The following IL17RD variants were observed in gnomAD, a reference collection of about 807,000 sequenced individuals.
The protein encoded by IL17RD is interleukin 17 receptor D.
IL17RD carries 52 observed loss-of-function variants against 80.5 expected under a neutral mutation model. That is an observed-to-expected ratio of 0.65 (90% CI 0.52 to 0.81). IL17RD has a LOEUF of 0.81. Among genes scored for constraint, IL17RD ranks in the 40% least tolerant of loss-of-function variants. The pLI is 0.00. For missense variants in IL17RD, 1,024 were observed against 955.1 expected (o/e 1.07, Z -0.95); for synonymous variants, 416 against 391.8 (o/e 1.06, Z -0.73).
intron 1 of IL17RD, among the ~76,000 whole-genome samples, chr3:57,121,793 T>C (rs989425263): frequency 3.3e-5 from 5 of 152,092 alleles, no homozygotes; most frequent in African/African-American, 1.2e-4. Context: ...CACAACCAGG[T>C]AGGAGACCAG....
At chr3:57,161,991 AC>A (rs2060308287) in intron 1 of IL17RD, among the ~76,000 whole-genome samples, 1 of 152,190 alleles carries the variant, frequency 6.6e-6, no homozygotes, top group Non-Finnish European at 1.5e-5. Context: ...TAAAACACTG[AC>A]CTGTGTTCAA....
chr3:57,150,086 T>A (rs947053160), intron 1 of IL17RD, among the ~76,000 whole-genome samples: 2 of 152,104 alleles, frequency 1.3e-5, no homozygotes, highest in African/African-American at 4.8e-5. Flanking sequence ...ATCACTAATC[T>A]GGCAGCTTTT....
intron 5 of IL17RD, among the ~76,000 whole-genome samples, chr3:57,108,906 T>C (rs773542156): frequency 6.6e-6 from 1 of 152,064 alleles, no homozygotes; most frequent in Admixed American, 6.5e-5. Flanking sequence ...TGCCTCAGCA[T>C]CCCAAATAGC....
At chr3:57,159,496 G>A (rs1464717152) in intron 1 of IL17RD, among the ~76,000 whole-genome samples, 1 of 152,206 alleles carries the variant, frequency 6.6e-6, no homozygotes, top group African/African-American at 2.4e-5. Flanking sequence ...ATGTGTTTCG[G>A]AGGCCATCAG....
Position 57,102,205 on chromosome 3 carries a change from G to C in IL17RD, c.979+274C>G, listed in dbSNP as rs1025815900. Among the ~76,000 whole-genome samples, 12 of 152,226 alleles carry C rather than the reference G, an allele frequency of 7.9e-5. 1 individual carries two copies. Among genetic ancestry groups the C allele is most frequent in the African/African-American group, 2.7e-4 (11 of 41,456 alleles). On this transcript the variant is annotated intron_variant, in intron 10 of 12. Transcript: ENST00000296318. ...GGATGGCCTAAGCCTGGGAAGTCGA[G>C]CCTGCAGTGAGCTATGACTGTGCCA...
chr3:57,094,699 G>A lies in IL17RD; in HGVS notation c.*1694C>T, dbSNP rs1243065275. 1 of 152,206 alleles carries A rather than the reference G, an allele frequency of 6.6e-6. No homozygotes were observed. The highest frequency in any genetic ancestry group is 2.4e-5 in the African/African-American group (1 of 41,440). 9.4% of individuals were successfully genotyped at this position (152,206 alleles called of 1,614,324 possible). On this transcript the variant is annotated 3_prime_UTR_variant, in exon 13 of 13. Coordinates refer to ENST00000296318, the MANE Select transcript of IL17RD (RefSeq NM_017563.5). ...ACCAATCTCCTTCACAGAATGCCTA[G>A]GATGAAATGGCGGGGCAGTCATGTG... is the stretch of plus-strand genomic sequence containing the variant.
intron 1 of IL17RD, among the ~76,000 whole-genome samples, chr3:57,137,760 G>C (rs552987231): frequency 2.0e-5 from 3 of 152,278 alleles, no homozygotes; most frequent in African/African-American, 7.2e-5. Flanking sequence ...TATTAGGTTA[G>C]TGCCACAGAG....
intron 1 of IL17RD, chr3:57,150,283 C>T (rs956878087): frequency 6.6e-6 from 1 of 152,236 alleles, no homozygotes; most frequent in African/African-American, 2.4e-5. Context: ...GCTGTCTAGT[C>T]TCGCCTCTTT....
At chr3:57,128,635 T>C (rs1009047800) in intron 1 of IL17RD, among the ~76,000 whole-genome samples, 2 of 150,910 alleles carry the variant, frequency 1.3e-5, no homozygotes, top group African/African-American at 4.8e-5. Flanking sequence ...GTGTGAGTTG[T>C]TTCTCCGACA....
chr3:57,113,489 G>A (rs759035653), intron 3 of IL17RD, among the ~76,000 whole-genome samples: 1 of 151,992 alleles, frequency 6.6e-6, no homozygotes, highest in African/African-American at 2.4e-5. Flanking sequence ...CACCTGCCTC[G>A]GCCTCCCTAA....
intron 2 of IL17RD, among the ~76,000 whole-genome samples, chr3:57,118,274 TCCCTG>T (rs1707260263): frequency 6.6e-6 from 1 of 152,226 alleles, no homozygotes; most frequent in Non-Finnish European, 1.5e-5. Context: ...CAATGTGAGC[TCCCTG>T]AGTTGCACGT....
chr3:57,154,820 A>AT (rs1007894201), intron 1 of IL17RD, among the ~76,000 whole-genome samples: 23 of 151,364 alleles, frequency 1.5e-4, no homozygotes, highest in East Asian at 5.8e-4. Flanking sequence ...AGGCAATGCC[A>AT]TTTTTTTTTG....
intron 1 of IL17RD, among the ~76,000 whole-genome samples, chr3:57,160,493 G>T (rs935084154): frequency 2.0e-5 from 3 of 152,076 alleles, no homozygotes; most frequent in African/African-American, 2.4e-5. Context: ...GAACTCAGGG[G>T]AAGTGTCAAG....
chr3:57,152,994 T>C (rs537247918), intron 1 of IL17RD, among the ~76,000 whole-genome samples: 2 of 152,342 alleles, frequency 1.3e-5, no homozygotes, highest in Non-Finnish European at 2.9e-5. Flanking sequence ...GAGGGCGACA[T>C]CTATAACTGC....
At chr3:57,133,834 G>A (rs1377816554) in intron 1 of IL17RD, among the ~76,000 whole-genome samples, 2 of 152,208 alleles carry the variant, frequency 1.3e-5, no homozygotes, top group Non-Finnish European at 1.5e-5. Context: ...CTATAGGGCT[G>A]AGGCAAGTAA....
intron 2 of IL17RD, among the ~76,000 whole-genome samples, chr3:57,118,747 A>G (rs1259796940): frequency 1.3e-5 from 2 of 152,196 alleles, no homozygotes; most frequent in East Asian, 3.9e-4. Flanking sequence ...ATATTAATAG[A>G]TATCAATTTA....
At chr3:57,138,133 T>C (rs539717819) in intron 1 of IL17RD, among the ~76,000 whole-genome samples, 10 of 152,324 alleles carry the variant, frequency 6.6e-5, no homozygotes, top group South Asian at 2.1e-4. Context: ...TTAATGGTTA[T>C]GGAATTTCCA....
At chr3:57,100,499 G>A (rs1706803123) in intron 11 of IL17RD, among the ~76,000 whole-genome samples, 1 of 152,136 alleles carries the variant, frequency 6.6e-6, no homozygotes, top group South Asian at 2.1e-4. Flanking sequence ...AATAACTCAA[G>A]AGAACAGCTA....
chr3:57,169,061 G>T (rs1579333583), upstream of IL17RD, among the ~76,000 whole-genome samples: 4 of 152,332 alleles, frequency 2.6e-5, no homozygotes, highest in South Asian at 8.3e-4. Context: ...TAGCTGTAAG[G>T]CTGCAGGGAG....
Sources: allele counts gnomAD v4.1 joint callset (sites outside exome capture counted in the v4.1 genomes callset), GRCh38; gene constraint gnomAD v4.1.1; transcripts MANE v1.5; gene names NCBI Gene and HGNC (gene_info 2026-07-23, HGNC 2026-07-21).